The following POFUT3 variants were observed in gnomAD, a reference collection of about 807,000 sequenced individuals.
The protein encoded by POFUT3 is protein O-fucosyltransferase 3.
the POFUT3 span, among the ~76,000 whole-genome samples, chr8:33,346,429 C>T: frequency 7.2e-5 from 11 of 152,092 alleles, no homozygotes; most frequent in Admixed American, 7.2e-4. Flanking sequence ...AAAAATATAC[C>T]AGGCCCATAA....
chr8:33,337,308 T>C, the POFUT3 span, among the ~76,000 whole-genome samples: 1 of 152,214 alleles, frequency 6.6e-6, no homozygotes, highest in African/African-American at 2.4e-5. Context: ...AACATTGACA[T>C]TTCTGCACTC....
the POFUT3 span, among the ~76,000 whole-genome samples, chr8:33,397,034 C>T: frequency 2.6e-5 from 4 of 152,170 alleles, no homozygotes; most frequent in Non-Finnish European, 4.4e-5. Context: ...TAAATTACAA[C>T]TATTGTTAAT....
At chr8:33,431,171 C>T in the POFUT3 span, among the ~76,000 whole-genome samples, 1 of 152,096 alleles carries the variant, frequency 6.6e-6, no homozygotes, top group African/African-American at 2.4e-5. Context: ...CTCATTTTGA[C>T]ACTTTTAGAT....
At chr8:33,334,692 A>G in the POFUT3 span, among the ~76,000 whole-genome samples, 33 of 152,382 alleles carry the variant, frequency 2.2e-4, no homozygotes, top group East Asian at 6.0e-3. Flanking sequence ...CTTTCTGGAC[A>G]TAAACATAAT....
At chr8:33,401,144 G>A in the POFUT3 span, among the ~76,000 whole-genome samples, 10 of 151,964 alleles carry the variant, frequency 6.6e-5, no homozygotes, top group Admixed American at 1.3e-4. Flanking sequence ...CACCATGCCC[G>A]GCTAATTTTT....
chr8:33,376,117 G>A, the POFUT3 span, among the ~76,000 whole-genome samples: 1 of 152,030 alleles, frequency 6.6e-6, no homozygotes, highest in Admixed American at 6.6e-5. Context: ...TTCTGGGAAG[G>A]ACAGAAAAGG....
At chr8:33,319,376 A>ATATGT in the POFUT3 span, among the ~76,000 whole-genome samples, 2 of 1,236 alleles carry the variant, frequency 1.6e-3, no homozygotes, top group African/African-American at 8.1e-3. Context: ...ATATGTATAT[A>ATATGT]TTATAGAAAT....
At chr8:33,372,161 T>C in the POFUT3 span, 1 of 993,054 alleles carries the variant, frequency 1.0e-6, no homozygotes, top group African/African-American at 1.7e-5. Flanking sequence ...TCTAATGTAT[T>C]TCATGTTCAT....
the POFUT3 span, among the ~76,000 whole-genome samples, chr8:33,334,522 C>T: frequency 6.6e-6 from 1 of 152,206 alleles, no homozygotes; most frequent in East Asian, 1.9e-4. Context: ...GGCCGAGTTG[C>T]AGATTCTTCA....
the POFUT3 span, among the ~76,000 whole-genome samples, chr8:33,402,012 C>T: frequency 2.0e-5 from 3 of 151,498 alleles, no homozygotes; most frequent in Admixed American, 6.6e-5. Context: ...GGTGACAGAA[C>T]GAGATCCTGT....
the POFUT3 span, among the ~76,000 whole-genome samples, chr8:33,406,550 C>T: frequency 1.3e-5 from 2 of 152,054 alleles, no homozygotes; most frequent in South Asian, 4.1e-4. Context: ...AATCCTCCTG[C>T]CTCAGCCTCC....
At chr8:33,422,572 A>AAC in the POFUT3 span, among the ~76,000 whole-genome samples, 1 of 148,196 alleles carries the variant, frequency 6.7e-6, no homozygotes, top group East Asian at 2.0e-4. Context: ...AAAAAAAAAA[A>AAC]CCACAGTTTT....
chr8:33,313,473 T>C, the POFUT3 span, among the ~76,000 whole-genome samples: 11 of 152,142 alleles, frequency 7.2e-5, no homozygotes, highest in Non-Finnish European at 2.9e-5. Flanking sequence ...GTTGCAGGCA[T>C]TCTCGTGGCT....
At chr8:33,433,967 TA>T in the POFUT3 span, among the ~76,000 whole-genome samples, 83,514 of 130,754 alleles carry the variant, frequency 0.64, 25,013 homozygotes, top group African/African-American at 0.71. Context: ...GACACTGTCA[TA>T]AAAAAAAAAA....
At chr8:33,446,356 C>A in the POFUT3 span, among the ~76,000 whole-genome samples, 1 of 151,546 alleles carries the variant, frequency 6.6e-6, no homozygotes, top group African/African-American at 2.4e-5. Context: ...ACTCAGGAGG[C>A]TGAGGCACGA....
chr8:33,396,167 T>C, the POFUT3 span, among the ~76,000 whole-genome samples: 1 of 152,042 alleles, frequency 6.6e-6, no homozygotes, highest in African/African-American at 2.4e-5. Context: ...CCCCCAACAG[T>C]AGAGCCTCAG....
At chr8:33,429,798 C>T in the POFUT3 span, among the ~76,000 whole-genome samples, 1 of 152,034 alleles carries the variant, frequency 6.6e-6, no homozygotes, top group Admixed American at 6.6e-5. Context: ...GAGTTTGAGG[C>T]CAGCCTGGCC....
chr8:33,435,731 G>C, the POFUT3 span, among the ~76,000 whole-genome samples: 45 of 150,806 alleles, frequency 3.0e-4, no homozygotes, highest in African/African-American at 9.8e-4. Context: ...GGCCAGGCTG[G>C]TCTCGTACTC....
At chr8:33,344,191 G>C in the POFUT3 span, among the ~76,000 whole-genome samples, 101 of 152,208 alleles carry the variant, frequency 6.6e-4, 1 homozygote, top group South Asian at 0.02. Flanking sequence ...AGTTTTGTGT[G>C]CCTTTTTCTC....
Sources: allele counts gnomAD v4.1 joint callset (sites outside exome capture counted in the v4.1 genomes callset), GRCh38; gene constraint gnomAD v4.1.1; transcripts MANE v1.5; gene names NCBI Gene and HGNC (gene_info 2026-07-23, HGNC 2026-07-21).